SSUH2: variants seen among roughly 807,000 people sequenced by gnomAD.
The protein encoded by SSUH2 is protein SSUH2 homolog.
SSUH2 carries 47 observed loss-of-function variants against 55.3 expected under a neutral mutation model. The observed-to-expected ratio is 0.85, with a 90% CI of 0.67 to 1.08. The LOEUF (loss-of-function observed/expected upper bound fraction) is 1.08. SSUH2 is among the 50% of genes least tolerant of loss of function. The pLI, the probability that SSUH2 is intolerant of heterozygous loss-of-function variation, is 0.00. For missense variants in SSUH2, 535 were observed against 490.7 expected (o/e 1.09, Z -0.85); for synonymous variants, 212 against 191.5 (o/e 1.11, Z -0.89).
intron 3 of SSUH2, chr3:8,634,465 C>G (rs1433517680): frequency 7.8e-7 from 1 of 1,290,060 alleles, no homozygotes; most frequent in East Asian, 5.5e-5. Flanking sequence ...CATCTTCATG[C>G]ATTTCTCCAT....
chr3:8,633,198 C>A (rs1042710505), intron 4 of SSUH2, among the ~76,000 whole-genome samples: 1 of 145,024 alleles, frequency 6.9e-6, no homozygotes, highest in African/African-American at 2.6e-5. Context: ...GGCTGGAGTG[C>A]AATGGCACCA....
chr3:8,639,022 A>G (rs770309217), intron 1 of SSUH2, among the ~76,000 whole-genome samples: 29 of 152,254 alleles, frequency 1.9e-4, no homozygotes, highest in Admixed American at 1.4e-3. Flanking sequence ...GACCTCTCAG[A>G]GCAGCTACAG....
chr3:8,632,000 C>T (rs1243525003), intron 5 of SSUH2, 49 bp downstream of exon 5: 9 of 1,474,998 alleles, frequency 6.1e-6, no homozygotes, highest in Non-Finnish European at 8.5e-6. Flanking sequence ...TCCACCAGCA[C>T]CCTGACTTAT....
In SSUH2 at chr3:8,649,819, C is replaced by T. The variant is rs148550265; in HGVS notation, c.-307+9106G>A. 4.9e-3 allele frequency among the ~76,000 whole-genome samples: 745 copies of T among 152,188 alleles called. 4 individuals are homozygous for T. The highest frequency in any genetic ancestry group is 0.015 in the African/African-American group (632 of 41,510). Reference sequence around the variant, plus strand: ...GCTCAATTCAGAACTCAGACTGATCCCTCTACACCTGTAAGTCAGGAGACA... The same window carrying T: ...GCTCAATTCAGAACTCAGACTGATCTCTCTACACCTGTAAGTCAGGAGACA... On this transcript the variant is annotated intron_variant, in intron 7 of 18. Coordinates refer to the SSUH2 transcript ENST00000317371.
At position 8,619,601 on chromosome 3, in the gene SSUH2, C is replaced by A; in HGVS notation, c.*267G>T. 1 of 347,914 alleles carries A rather than the reference C, an allele frequency of 2.9e-6. No individual in the cohort carries two copies. Among genetic ancestry groups the A allele is most frequent in the Non-Finnish European group, 5.1e-6 (1 of 195,106 alleles). 21.6% of individuals were successfully genotyped at this position (347,914 alleles called of 1,614,324 possible). ...TTAACTTGGAGACCAGAGGCAAAGT[C>A]CTTGCCATTTAAATTATTTCTCTCA... On this transcript the variant is annotated 3_prime_UTR_variant, in exon 12 of 12. Transcript: ENST00000544814.
intron 1 of SSUH2, among the ~76,000 whole-genome samples, chr3:8,640,337 T>C (rs1283087476): frequency 1.3e-5 from 2 of 152,076 alleles, no homozygotes; most frequent in Non-Finnish European, 2.9e-5. Context: ...AAACAAATAA[T>C]TGGTCACAGT....
rs990358503 is a variant in SSUH2, at chr3:8,625,725, T to C, written c.768-78A>G. 2.9e-5 allele frequency: 29 copies of C among 1,013,774 alleles called. No homozygotes were observed. The African/African-American group carries it at 3.8e-4, about 13-fold the overall frequency. 62.8% of individuals were successfully genotyped at this position (1,013,774 alleles called of 1,614,324 possible). On this transcript the variant is annotated intron_variant, in intron 9 of 11. Coordinates refer to ENST00000544814, the MANE Select transcript of SSUH2 (RefSeq NM_001256748.3). ...CATGGCCTTTGCAATCAGACAGACC[T>C]GGGGTTGAGGGCTTGAATTGCTACT...
intron 1 of SSUH2, 98 bp downstream of exon 1, chr3:8,644,633 T>C (rs2125280312): frequency 2.8e-6 from 3 of 1,086,782 alleles, no homozygotes; most frequent in Non-Finnish European, 4.1e-6. Flanking sequence ...TATGGATACA[T>C]AACTTCCAAC....
chr3:8,676,293 A>C (rs1179711152), intron 3 of SSUH2, among the ~76,000 whole-genome samples: 1 of 152,064 alleles, frequency 6.6e-6, no homozygotes, highest in Non-Finnish European at 1.5e-5. Context: ...GAACAGTATC[A>C]CAAGGGTGTT....
chr3:8,654,041 A>C (rs543457004), intron 7 of SSUH2, among the ~76,000 whole-genome samples: 1 of 152,354 alleles, frequency 6.6e-6, no homozygotes, highest in African/African-American at 2.4e-5. Context: ...GGTGGCTTAA[A>C]TGACAGAAAT....
intron 10 of SSUH2, among the ~76,000 whole-genome samples, chr3:8,624,501 T>C (rs1697122413): frequency 6.6e-6 from 1 of 152,100 alleles, no homozygotes; most frequent in South Asian, 2.1e-4. Flanking sequence ...GCCAAATTAC[T>C]GGAGCAAAGA....
At chr3:8,681,838 TC>T in intron 1 of SSUH2, 16 of 162,034 alleles carry the variant, frequency 9.9e-5, no homozygotes, top group Non-Finnish European at 1.9e-4. Flanking sequence ...CAGCCCCTCT[TC>T]CCCCCCTGGC....
intron 4 of SSUH2, among the ~76,000 whole-genome samples, chr3:8,632,716 G>T (rs778340149): frequency 6.6e-6 from 1 of 152,212 alleles, no homozygotes; most frequent in Admixed American, 6.5e-5. Context: ...ACTAGAAAAT[G>T]TGACTGTAAA....
intron 11 of SSUH2, among the ~76,000 whole-genome samples, chr3:8,621,158 G>A (rs1017958530): frequency 1.3e-5 from 2 of 152,170 alleles, no homozygotes; most frequent in Non-Finnish European, 2.9e-5. Flanking sequence ...TGTGGGCCGG[G>A]CTCTGTGCAA....
chr3:8,672,559 T>G (rs1704712075), intron 3 of SSUH2, among the ~76,000 whole-genome samples: 1 of 151,984 alleles, frequency 6.6e-6, no homozygotes, highest in South Asian at 2.1e-4. Flanking sequence ...GCCTCTCCTC[T>G]CCATGGATAT....
rs572717527 is a variant in SSUH2 at position 8,676,906 on chromosome 3, C to A, written c.-753+300G>T. Reference sequence around the variant, plus strand: ...CGTGAGGCGGGGACAGAGAGCCAGCCCCTCTTTCCCCCCTGGCTCTTAGGA... The same window carrying A: ...CGTGAGGCGGGGACAGAGAGCCAGCACCTCTTTCCCCCCTGGCTCTTAGGA... On this transcript the variant is annotated intron_variant, in intron 3 of 18. Transcript: ENST00000317371. Among the ~76,000 whole-genome samples the A allele has an allele frequency of 8.8e-4, 130 of 148,136 alleles. 5 individuals carry two copies. The highest frequency in any genetic ancestry group is 1.9e-3 in the Admixed American group (28 of 15,052).
At chr3:8,661,966 C>G (rs910267421) in intron 6 of SSUH2, among the ~76,000 whole-genome samples, 1 of 152,212 alleles carries the variant, frequency 6.6e-6, no homozygotes, top group African/African-American at 2.4e-5. Flanking sequence ...GGCTCTCATT[C>G]TCTCTCTTGT....
chr3:8,628,413 T>C (rs549074500), intron 7 of SSUH2, among the ~76,000 whole-genome samples: 34 of 152,256 alleles, frequency 2.2e-4, no homozygotes, highest in African/African-American at 7.5e-4. Context: ...TGAATGAAGG[T>C]TTCTGAAAAG....
upstream of SSUH2, among the ~76,000 whole-genome samples, chr3:8,648,643 C>T (rs1702014079): frequency 6.6e-6 from 1 of 152,200 alleles, no homozygotes; most frequent in South Asian, 2.1e-4. Flanking sequence ...CTCTGGTCTG[C>T]TGCTGCCCTG....
Sources: gnomAD v4.1 joint callset for allele counts (sites outside exome capture counted in the v4.1 genomes callset) on GRCh38, gnomAD v4.1.1 for gene constraint, MANE v1.5 for transcripts, NCBI Gene and HGNC (gene_info 2026-07-23, HGNC 2026-07-21) for gene names.